Variants in BBS4 observed in about 807,000 individuals in gnomAD.
BBS4 encodes the protein Bardet-Biedl syndrome 4.
BBS4 carries 58 observed loss-of-function variants against 71.4 expected under a neutral mutation model. The observed-to-expected ratio is 0.81, with a 90% CI of 0.66 to 1.01. BBS4 has a LOEUF of 1.01. BBS4 is among the 50% of genes least tolerant of loss of function. The pLI, the probability that BBS4 is intolerant of heterozygous loss-of-function variation, is 0.00. For missense variants in BBS4, 660 were observed against 607.9 expected (o/e 1.09, Z -0.90); for synonymous variants, 228 against 216.8 (o/e 1.05, Z -0.46).
Position 72,716,804 on chromosome 15 carries a change from C to T in BBS4, c.359C>T (p.Ala120Val), listed in dbSNP as rs1302660376. Residue 120 changes from alanine (A) to valine (V), a missense_variant, in exon 6 of 16, where the codon GCC becomes GTC. Physicochemically the swap from Ala to Val is moderately conservative, Grantham distance 64 (BLOSUM62 0). Coordinates refer to ENST00000268057, the MANE Select transcript of BBS4 (RefSeq NM_033028.5). Reference protein sequence around the residue: ...SLFLLGKHKAAIEVYNEAAKL... With the variant: ...SLFLLGKHKAVIEVYNEAAKL... ...TTTCTTTTGGGAAAACATAAAGCTG[C>T]CATTGAAGTATATAATGAAGCAGCT... 2 of 1,610,196 alleles carry T rather than the reference C, an allele frequency of 1.2e-6. No individual in the cohort carries two copies. Among genetic ancestry groups the T allele is most frequent in the East Asian group, 4.5e-5 (2 of 44,822 alleles).
intron 3 of BBS4, among the ~76,000 whole-genome samples, chr15:72,710,622 C>G (rs2065352219): frequency 6.6e-6 from 1 of 152,144 alleles, no homozygotes; most frequent in African/African-American, 2.4e-5. Flanking sequence ...TACAAACTTG[C>G]AGGCAGACAG....
At position 72,716,791 on chromosome 15, in the gene BBS4, A is replaced by G; in HGVS notation, c.346A>G (p.Lys116Glu). The change falls in exon 6 of 16, where the codon AAA (lysine) becomes GAA (glutamate). Residue 116 changes from lysine (K) to glutamate (E), a missense_variant. Coordinates refer to ENST00000268057, the MANE Select transcript of BBS4 (RefSeq NM_033028.5). Reference sequence around the variant, plus strand: ...TATCTTTTACAGATTTCTTTTGGGAAAACATAAAGCTGCCATTGAAGTATA... The same window carrying G: ...TATCTTTTACAGATTTCTTTTGGGAGAACATAAAGCTGCCATTGAAGTATA... ...QVARSLFLLG[K>E]HKAAIEVYNE... 1.2e-6 allele frequency: 2 copies of G among 1,609,070 alleles called. No individual in the cohort carries two copies. Among genetic ancestry groups the G allele is most frequent in the Non-Finnish European group, 1.7e-6 (2 of 1,177,524 alleles).
Position 72,737,624 on chromosome 15 carries a change from GGCGAGGATGT to G in BBS4, c.*40_*49del. 6.7e-7 allele frequency: 1 copy of G among 1,500,874 alleles called. No individual in the cohort carries two copies. Among genetic ancestry groups the G allele is most frequent in the South Asian group, 1.2e-5 (1 of 83,696 alleles). The allele number at this position is 1,500,874 out of a possible 1,614,324, so 93.0% of individuals were successfully genotyped here. On this transcript the variant is annotated 3_prime_UTR_variant, in exon 16 of 16. Coordinates refer to ENST00000268057, the MANE Select transcript of BBS4 (RefSeq NM_033028.5). ...ATGACCCCAAAATAGGGTTTTCTTG[GGCGAGGATGT>G]GCTGGATTAGGAAAGGTGACATGAC... is the stretch of plus-strand genomic sequence containing the variant.
chr15:72,698,091 A>G, intron 2 of BBS4: 1 of 454,740 alleles, frequency 2.2e-6, no homozygotes, highest in Non-Finnish European at 4.4e-6. Context: ...AGGAGTCTTC[A>G]TTGAAAACTT....
At position 72,686,592 on chromosome 15, in the gene BBS4, T is replaced by G. The variant is rs536625342; in HGVS notation, c.24+341T>G. 7.0e-5 allele frequency: 96 copies of G among 1,374,690 alleles called. 1 individual carries two copies. The East Asian group carries it at 3.0e-3, about 42-fold the overall frequency. The allele number at this position is 1,374,690 out of a possible 1,614,324, so 85.2% of individuals were successfully genotyped here. Reference sequence around the variant, plus strand: ...AATGACTAGCACTTGTGTAGACAGTTCCTGTTAATCCCGTGAATTGGGAAT... The same window carrying G: ...AATGACTAGCACTTGTGTAGACAGTGCCTGTTAATCCCGTGAATTGGGAAT... On this transcript the variant is annotated intron_variant, in intron 1 of 15. Transcript: ENST00000268057.
chr15:72,707,177 CTTTTCTTTTTTT>C (rs2065279536), intron 2 of BBS4, among the ~76,000 whole-genome samples: 1 of 132,448 alleles, frequency 7.6e-6, no homozygotes, highest in South Asian at 2.4e-4. Flanking sequence ...TTCCTTTTTT[CTTTTCTTTTTTT>C]TTTTTTGGAG....
chr15:72,719,121 G>T (rs2065518674), intron 6 of BBS4, among the ~76,000 whole-genome samples: 1 of 152,016 alleles, frequency 6.6e-6, no homozygotes, highest in African/African-American at 2.4e-5. Flanking sequence ...AATGCAGGGA[G>T]GAAGCCCTGC....
intron 4 of BBS4, 28 bp downstream of exon 4, chr15:72,712,335 C>T (rs776174780): frequency 3.1e-6 from 5 of 1,598,384 alleles, no homozygotes; most frequent in Non-Finnish European, 2.6e-6. Flanking sequence ...TGTCTTCTTG[C>T]TAGAGAAATA....
At chr15:72,699,896 G>A (rs557882648) in intron 2 of BBS4, among the ~76,000 whole-genome samples, 1 of 152,142 alleles carries the variant, frequency 6.6e-6, no homozygotes, top group Admixed American at 6.6e-5. Flanking sequence ...CTGTTAATGA[G>A]TATTTGCAAT....
intron 2 of BBS4, 33 bp from the exon 3 acceptor site, chr15:72,709,667 G>C: frequency 1.4e-6 from 2 of 1,477,176 alleles, no homozygotes; most frequent in African/African-American, 1.4e-5. Flanking sequence ...TCTAATGACT[G>C]TGTTGTTTGT....
chr15:72,700,545 T>C (rs1207159314), intron 2 of BBS4, among the ~76,000 whole-genome samples: 1 of 152,238 alleles, frequency 6.6e-6, no homozygotes, highest in Non-Finnish European at 1.5e-5. Context: ...ACTAGTGATG[T>C]TGAACACCTT....
intron 2 of BBS4, among the ~76,000 whole-genome samples, chr15:72,705,586 C>CTT: frequency 4.0e-5 from 3 of 75,156 alleles, no homozygotes; most frequent in Non-Finnish European, 8.5e-5. Context: ...CATGGCTTGT[C>CTT]CTTTTTTTTT....
At position 72,731,593 on chromosome 15, in the gene BBS4, C is replaced by G; in HGVS notation, c.903C>G (p.Pro301=). ...TGAAACGAGCCAACTACTTGGCACCCTTTGATTGGAAGATTCTGTATAATT... is the reference window on the plus strand; with the variant it reads ...TGAAACGAGCCAACTACTTGGCACCGTTTGATTGGAAGATTCTGTATAATT... ...SCLKRANYLA[P]FDWKILYNLG... is the part of the protein sequence containing the mutation. The change falls in exon 12 of 16, where the codon CCC becomes CCG. Residue 301 remains proline, a synonymous_variant. Coordinates refer to ENST00000268057, the MANE Select transcript of BBS4 (RefSeq NM_033028.5). The G allele has an allele frequency of 1.2e-6, 2 of 1,614,152 alleles. No individual in the cohort carries two copies. Among genetic ancestry groups the G allele is most frequent in the Non-Finnish European group, 8.5e-7 (1 of 1,180,040 alleles).
intron 1 of BBS4, among the ~76,000 whole-genome samples, chr15:72,693,589 A>C (rs2065024297): frequency 1.3e-5 from 2 of 152,202 alleles, no homozygotes; most frequent in Admixed American, 1.3e-4. Flanking sequence ...GTATGTTCTC[A>C]CAAATTTTGT....
intron 8 of BBS4, among the ~76,000 whole-genome samples, chr15:72,725,120 T>C (rs985750359): frequency 1.3e-5 from 2 of 150,658 alleles, no homozygotes; most frequent in Non-Finnish European, 3.0e-5. Flanking sequence ...TGGAGTGCAG[T>C]GGAGAACACA....
rs1348605098 is a variant in BBS4 at position 72,737,751 on chromosome 15, G to A, written c.*164G>A. The A allele has an allele frequency of 1.5e-6, 1 of 668,014 alleles. No individual in the cohort carries two copies. Among genetic ancestry groups the A allele is most frequent in the Admixed American group, 2.1e-5 (1 of 48,364 alleles). The allele number at this position is 668,014 out of a possible 1,614,324, so 41.4% of individuals were successfully genotyped here. On this transcript the variant is annotated 3_prime_UTR_variant, in exon 16 of 16. Transcript: ENST00000268057. ...AGCCTAAGGTCCTTCTACCTACCTGGTATTGGCATTTGAGGTCGGAAACCC... is the reference window on the plus strand; with the variant it reads ...AGCCTAAGGTCCTTCTACCTACCTGATATTGGCATTTGAGGTCGGAAACCC...
chr15:72,686,438 T>C, intron 1 of BBS4, 187 bp downstream of exon 1: 1 of 1,533,426 alleles, frequency 6.5e-7, no homozygotes, highest in Non-Finnish European at 8.7e-7. Context: ...GTCTGGATAC[T>C]TAGCAGCACA....
intron 2 of BBS4, among the ~76,000 whole-genome samples, chr15:72,695,896 C>T (rs974467312): frequency 6.6e-6 from 1 of 152,154 alleles, no homozygotes; most frequent in Non-Finnish European, 1.5e-5. Flanking sequence ...TTATGGCCCA[C>T]AATGTGGCCT....
intron 7 of BBS4, among the ~76,000 whole-genome samples, chr15:72,723,643 G>GA (rs763005785): frequency 9.4e-4 from 143 of 152,100 alleles, no homozygotes; most frequent in Admixed American, 3.1e-3. Context: ...ACACTGGTGT[G>GA]AAAAAAAATA....
Sources: allele counts gnomAD v4.1 joint callset (sites outside exome capture counted in the v4.1 genomes callset), GRCh38; gene constraint gnomAD v4.1.1; transcripts MANE v1.5; gene names NCBI Gene and HGNC (gene_info 2026-07-23, HGNC 2026-07-21).